Variants in GPC6 observed in about 807,000 individuals in gnomAD.
GPC6 encodes the protein glypican-6.
Under a neutral mutation model 55.2 loss-of-function variants are expected in GPC6, and 14 were observed. The observed-to-expected ratio is 0.25, with a 90% CI of 0.17 to 0.40. GPC6 has a LOEUF of 0.40. Among genes scored for constraint, GPC6 ranks in the 10% least tolerant of loss-of-function variants. The pLI, the probability that GPC6 is intolerant of heterozygous loss-of-function variation, is 1.00. For synonymous variants in GPC6, 278 were observed against 259.6 expected (o/e 1.07, Z -0.68); for missense variants, 641 against 708.5 (o/e 0.90, Z 1.08).
chr13:94,356,687 G>T (rs1878811897), intron 6 of GPC6, among the ~76,000 whole-genome samples: 1 of 152,176 alleles, frequency 6.6e-6, no homozygotes, highest in Non-Finnish European at 1.5e-5. Flanking sequence ...GGCTTGAGCT[G>T]GCAGGGAGCA....
chr13:94,377,127 G>T (rs1479983444), intron 6 of GPC6, among the ~76,000 whole-genome samples: 1 of 150,688 alleles, frequency 6.6e-6, no homozygotes, highest in Non-Finnish European at 1.5e-5. Context: ...TACCATTCAG[G>T]ACATAGGCAT....
intron 1 of GPC6, among the ~76,000 whole-genome samples, chr13:93,233,753 CATG>C (rs1876140633): frequency 6.6e-6 from 1 of 152,096 alleles, no homozygotes; most frequent in South Asian, 2.1e-4. Context: ...ACCCTGCAAA[CATG>C]AGGAGGGTTC....
At chr13:93,480,299 G>T (rs1055062303) in intron 1 of GPC6, among the ~76,000 whole-genome samples, 6 of 152,024 alleles carry the variant, frequency 3.9e-5, no homozygotes, top group Admixed American at 6.6e-5. Context: ...TTTCTTTAAA[G>T]GGTAACCTTT....
chr13:93,563,855 A>C (rs534756418), intron 2 of GPC6, among the ~76,000 whole-genome samples: 109 of 152,046 alleles, frequency 7.2e-4, no homozygotes, highest in African/African-American at 2.6e-3. Context: ...TAGACTTGCA[A>C]GTTGCCAGAG....
chr13:94,096,612 C>T (rs975502073), intron 4 of GPC6, among the ~76,000 whole-genome samples: 6 of 152,092 alleles, frequency 3.9e-5, no homozygotes, highest in East Asian at 1.9e-4. Context: ...ACAGAGCTCA[C>T]GGTCCAGGTG....
intron 4 of GPC6, among the ~76,000 whole-genome samples, chr13:94,210,416 G>A (rs920171642): frequency 6.6e-6 from 1 of 150,508 alleles, no homozygotes; most frequent in Non-Finnish European, 1.5e-5. Flanking sequence ...CTCAGCCTCC[G>A]AAAGTGCTGG....
At chr13:93,832,908 T>C (rs1041435512) in intron 3 of GPC6, among the ~76,000 whole-genome samples, 3 of 152,190 alleles carry the variant, frequency 2.0e-5, no homozygotes, top group African/African-American at 7.2e-5. Flanking sequence ...GGGCATGGAA[T>C]ATAGTCCGTA....
intron 4 of GPC6, among the ~76,000 whole-genome samples, chr13:94,211,718 C>A (rs1314171710): frequency 3.9e-5 from 6 of 152,176 alleles, no homozygotes; most frequent in South Asian, 2.1e-4. Flanking sequence ...AACCAGTATT[C>A]ATCTTAAGCT....
chr13:93,238,609 T>C (rs139749729), intron 1 of GPC6, among the ~76,000 whole-genome samples: 5,976 of 152,194 alleles, frequency 0.039, 151 homozygotes, highest in Non-Finnish European at 0.058. Context: ...TTCCAGTATG[T>C]GTTCAATAGA....
intron 4 of GPC6, among the ~76,000 whole-genome samples, chr13:94,251,317 G>C (rs1194659276): frequency 6.6e-6 from 1 of 151,646 alleles, no homozygotes; most frequent in African/African-American, 2.4e-5. Flanking sequence ...GGGGGGCAAA[G>C]CGGGGGAGAG....
intron 4 of GPC6, among the ~76,000 whole-genome samples, chr13:94,095,824 T>C (rs568783895): frequency 6.6e-6 from 1 of 152,250 alleles, no homozygotes; most frequent in East Asian, 1.9e-4. Flanking sequence ...AGTCGACCTA[T>C]TATGGTAAAT....
chr13:93,651,959 G>A (rs1366237412), intron 2 of GPC6, among the ~76,000 whole-genome samples: 2 of 152,118 alleles, frequency 1.3e-5, no homozygotes, highest in African/African-American at 2.4e-5. Context: ...GTGCAGCCAG[G>A]GCTGAGAACC....
intron 4 of GPC6, among the ~76,000 whole-genome samples, chr13:94,235,729 C>T (rs140481149): frequency 1.6e-3 from 240 of 152,234 alleles, no homozygotes; most frequent in African/African-American, 5.7e-3. Flanking sequence ...TGAAAATCTA[C>T]ACTGGTCCTT....
rs576168458 is a variant in GPC6, at chr13:93,609,271, A to G, written c.319+63850A>G. 2.6e-5 allele frequency among the ~76,000 whole-genome samples: 4 copies of G among 152,172 alleles called. No homozygotes were observed. The East Asian group carries it at 7.8e-4, about 30-fold the overall frequency. Reference sequence around the variant, plus strand: ...GTTCTGTCGCACAGGCTGGAGTGCAATGGTGCAATCTCAGCTCACTGCAAC... The same window carrying G: ...GTTCTGTCGCACAGGCTGGAGTGCAGTGGTGCAATCTCAGCTCACTGCAAC... On this transcript the variant is annotated intron_variant, in intron 2 of 8. Transcript: ENST00000377047.
chr13:93,882,102 C>T (rs2210110), intron 3 of GPC6, among the ~76,000 whole-genome samples: 35,489 of 148,290 alleles, frequency 0.24, 4,734 homozygotes, highest in Non-Finnish European at 0.29. Flanking sequence ...TCTTTCTTTT[C>T]TTTCGCGGAT....
intron 2 of GPC6, among the ~76,000 whole-genome samples, chr13:93,700,976 TG>T (rs889727746): frequency 6.6e-6 from 1 of 152,144 alleles, no homozygotes; most frequent in African/African-American, 2.4e-5. Context: ...AAAAGTTTTT[TG>T]CAGAGATCAA....
chr13:93,538,834 T>A (rs1016892019), intron 1 of GPC6, among the ~76,000 whole-genome samples: 1 of 152,208 alleles, frequency 6.6e-6, no homozygotes, highest in African/African-American at 2.4e-5. Flanking sequence ...CCTTAACATC[T>A]ATTTCACCAT....
intron 1 of GPC6, among the ~76,000 whole-genome samples, chr13:93,328,914 G>A (rs1879747239): frequency 6.6e-6 from 1 of 152,054 alleles, no homozygotes; most frequent in Non-Finnish European, 1.5e-5. Flanking sequence ...TGAAATGCCA[G>A]GAGGTAGACT....
chr13:93,887,985 A>C (rs1481995378), intron 3 of GPC6, among the ~76,000 whole-genome samples: 1 of 152,088 alleles, frequency 6.6e-6, no homozygotes, highest in Non-Finnish European at 1.5e-5. Flanking sequence ...GGTCCACTCC[A>C]TAGCATAAGT....
Sources: gnomAD v4.1 joint callset for allele counts (sites outside exome capture counted in the v4.1 genomes callset) on GRCh38, gnomAD v4.1.1 for gene constraint, MANE v1.5 for transcripts, NCBI Gene and HGNC (gene_info 2026-07-23, HGNC 2026-07-21) for gene names.